MAPRE3: variants seen among roughly 807,000 people sequenced by gnomAD.
MAPRE3 encodes microtubule-associated protein RP/EB family member 3.
A neutral mutation model predicts 30.5 loss-of-function variants in MAPRE3; 2 were observed. The observed-to-expected ratio is 0.07, with a 90% CI of 0.03 to 0.21. The LOEUF (loss-of-function observed/expected upper bound fraction) is 0.21. Ranked by LOEUF, MAPRE3 falls within the 10% of genes least tolerant of loss-of-function variation. MAPRE3 has a pLI of 1.00. For missense variants in MAPRE3, 204 were observed against 351.8 expected, an observed-to-expected ratio of 0.58 and a Z score of 3.36; for synonymous variants, 110 against 127.7, an observed-to-expected ratio of 0.86 and a Z score of 0.93.
intron 1 of MAPRE3, among the ~76,000 whole-genome samples, chr2:27,006,630 T>C (rs1215419811): frequency 1.3e-5 from 2 of 152,038 alleles, no homozygotes; most frequent in African/African-American, 2.4e-5. Context: ...GACGGGGTCA[T>C]GCTATGTTGC....
chr2:26,991,452 T>A (rs1293563446), intron 1 of MAPRE3, among the ~76,000 whole-genome samples: 1 of 152,150 alleles, frequency 6.6e-6, no homozygotes, highest in Non-Finnish European at 1.5e-5. Context: ...AGTTTGGTGG[T>A]GGTGATAGGG....
At chr2:27,021,718 C>T (rs573656636) in intron 1 of MAPRE3, among the ~76,000 whole-genome samples, 8 of 152,210 alleles carry the variant, frequency 5.3e-5, no homozygotes, top group South Asian at 2.1e-4. Context: ...GCCTGCTCCA[C>T]GACTCAGAGT....
At chr2:26,978,916 C>T (rs1666064354) in intron 1 of MAPRE3, among the ~76,000 whole-genome samples, 1 of 152,210 alleles carries the variant, frequency 6.6e-6, no homozygotes. Flanking sequence ...GTCAGAAACA[C>T]ATCTTTGGTG....
At chr2:27,001,710 A>T (rs949655134) in intron 1 of MAPRE3, among the ~76,000 whole-genome samples, 3 of 152,252 alleles carry the variant, frequency 2.0e-5, no homozygotes. Context: ...ACGTACATAC[A>T]TGTATACATA....
rs1311171676 is a variant in MAPRE3, at chr2:26,985,992, C to T, written c.-8+15190C>T. Among the ~76,000 whole-genome samples, 1 of 152,138 alleles carries T rather than the reference C, an allele frequency of 6.6e-6. No homozygotes were observed. The highest frequency in any genetic ancestry group is 1.5e-5 in the Non-Finnish European group (1 of 68,018). On this transcript the variant is annotated intron_variant, in intron 1 of 6. Transcript: ENST00000233121. This position sits in a 1 kb window ranked among gnomAD's most constrained non-coding sequence, Gnocchi z 4.2. ...GGCCTCCAGACCAGTGAGAGAATGA[C>T]CTTTGTTGTTTTCAGCCACCCAGTT...
intron 1 of MAPRE3, among the ~76,000 whole-genome samples, chr2:27,005,212 A>G (rs967543879): frequency 2.6e-5 from 4 of 152,238 alleles, no homozygotes; most frequent in Non-Finnish European, 5.9e-5. Flanking sequence ...GTTCAAATAT[A>G]TTAATTCCAG....
At chr2:26,979,683 CA>C (rs1666077170) in intron 1 of MAPRE3, among the ~76,000 whole-genome samples, 1 of 152,170 alleles carries the variant, frequency 6.6e-6, no homozygotes, top group South Asian at 2.1e-4. Flanking sequence ...GAGGGCTTTT[CA>C]GGAGGCAAGG....
At position 27,026,229 on chromosome 2, in the gene MAPRE3, C is replaced by G; in HGVS notation, c.778-51C>G. 3.2e-6 allele frequency: 5 copies of G among 1,550,192 alleles called. No individual in the cohort carries two copies. In the South Asian group the frequency reaches 4.6e-5, roughly 14 times the overall value. Reference sequence around the variant, plus strand: ...TCAGCTACTTACAGAACCTGAGAAGCCCTGCCTGGCCTGCCTGGCCCACCA... The same window carrying G: ...TCAGCTACTTACAGAACCTGAGAAGGCCTGCCTGGCCTGCCTGGCCCACCA... On this transcript the variant is annotated intron_variant, in intron 6 of 6. Coordinates refer to ENST00000233121, the MANE Select transcript of MAPRE3 (RefSeq NM_012326.4).
chr2:26,973,256 T>C lies in MAPRE3; in HGVS notation c.-8+2454T>C, dbSNP rs1042171925. Among the ~76,000 whole-genome samples the C allele has an allele frequency of 2.0e-5, 3 of 152,230 alleles. No homozygotes were observed. In the East Asian group the frequency reaches 5.8e-4, roughly 29 times the overall value. Reference sequence around the variant, plus strand: ...TATTGATAGTATTCCTGTGTGATGATGCCGTTTCTGACCTACCGTCCTGAG... The same window carrying C: ...TATTGATAGTATTCCTGTGTGATGACGCCGTTTCTGACCTACCGTCCTGAG... On this transcript the variant is annotated intron_variant, in intron 1 of 6. Coordinates refer to ENST00000233121, the MANE Select transcript of MAPRE3 (RefSeq NM_012326.4).
At chr2:26,992,589 GGGA>G (rs1311429373) in intron 1 of MAPRE3, among the ~76,000 whole-genome samples, 1 of 151,792 alleles carries the variant, frequency 6.6e-6, no homozygotes, top group Non-Finnish European at 1.5e-5. Flanking sequence ...GATATTTGAG[GGGA>G]GGAGAAGACA....
intron 1 of MAPRE3, among the ~76,000 whole-genome samples, chr2:27,001,587 G>T (rs886253221): frequency 6.6e-6 from 1 of 152,164 alleles, no homozygotes; most frequent in Non-Finnish European, 1.5e-5. Flanking sequence ...AACATAGAAA[G>T]GGTACGGTGA....
rs144387173 is a variant in MAPRE3, at chr2:27,021,138, G to A, written c.-7-1074G>A. On this transcript the variant is annotated intron_variant, in intron 1 of 6. Coordinates refer to ENST00000233121, the MANE Select transcript of MAPRE3 (RefSeq NM_012326.4). The stretch of plus-strand genomic sequence containing the variant: ...ATTTAAATCATACAGGAGGATGTGT[G>A]TAGGTTAACTGTAAATACTACATCA... 3.0e-3 allele frequency among the ~76,000 whole-genome samples: 464 copies of A among 152,348 alleles called. 2 individuals are homozygous for A. The highest frequency in any genetic ancestry group is 0.011 in the African/African-American group (442 of 41,578).
chr2:26,999,312 C>A (rs1334152101), intron 1 of MAPRE3, among the ~76,000 whole-genome samples: 3 of 151,900 alleles, frequency 2.0e-5, no homozygotes, highest in African/African-American at 7.3e-5. Context: ...GGACCAGAGG[C>A]AGGAATACTA....
intron 1 of MAPRE3, among the ~76,000 whole-genome samples, chr2:26,997,305 T>C (rs62130504): frequency 6.6e-6 from 1 of 152,174 alleles, no homozygotes; most frequent in Non-Finnish European, 1.5e-5. Flanking sequence ...AGGACAGCTT[T>C]GAATGTGGCC....
At chr2:27,023,548 A>T in intron 3 of MAPRE3, 71 bp downstream of exon 3, 2 of 1,588,162 alleles carry the variant, frequency 1.3e-6, no homozygotes, top group Non-Finnish European at 1.7e-6. Flanking sequence ...CCACCAGCCC[A>T]GGCAACTGGG....
In MAPRE3 at chr2:27,026,452, T is replaced by C. The variant is rs1486847808; in HGVS notation, c.*104T>C. On this transcript the variant is annotated 3_prime_UTR_variant, in exon 7 of 7. Transcript: ENST00000233121. ...CTAACACGGTCGGCCGGGTGCTTTGTGTCAGTGCTGCAGCACTGGGGAGCC... is the reference window on the plus strand; with the variant it reads ...CTAACACGGTCGGCCGGGTGCTTTGCGTCAGTGCTGCAGCACTGGGGAGCC... 16 of 1,025,006 alleles carry C rather than the reference T, an allele frequency of 1.6e-5. No homozygotes were observed. Among genetic ancestry groups the C allele is most frequent in the Non-Finnish European group, 2.3e-5 (16 of 689,510 alleles). The allele number at this position is 1,025,006 out of a possible 1,614,324, so 63.5% of individuals were successfully genotyped here. A position where few individuals can be genotyped will look rare whatever the true frequency, so the allele number is the denominator to read the frequency against.
At chr2:26,991,316 G>A (rs548913439) in intron 1 of MAPRE3, among the ~76,000 whole-genome samples, 1 of 152,298 alleles carries the variant, frequency 6.6e-6, no homozygotes, top group Admixed American at 6.5e-5. Context: ...GGGGAGGTCG[G>A]GTCTGCCACT....
chr2:26,973,497 T>C (rs1452340548), intron 1 of MAPRE3, among the ~76,000 whole-genome samples: 1 of 152,026 alleles, frequency 6.6e-6, no homozygotes, highest in Non-Finnish European at 1.5e-5. Context: ...TATGAGCTAT[T>C]CCTGAATTTA....
chr2:26,978,472 AC>A (rs1474042517), intron 1 of MAPRE3, among the ~76,000 whole-genome samples: 2 of 151,346 alleles, frequency 1.3e-5, no homozygotes, highest in African/African-American at 4.9e-5. Flanking sequence ...ATTGACACTT[AC>A]CTGGGACTCT....
Sources: allele counts gnomAD v4.1 joint callset (sites outside exome capture counted in the v4.1 genomes callset), GRCh38; gene constraint gnomAD v4.1.1; non-coding constraint Gnocchi (gnomAD v3.1); transcripts MANE v1.5; gene names NCBI Gene and HGNC (gene_info 2026-07-23, HGNC 2026-07-21).